Variants in FRYL observed in about 807,000 individuals in gnomAD.
FRYL encodes protein furry homolog-like.
Under a neutral mutation model 351.2 loss-of-function variants are expected in FRYL, and 150 were observed. The ratio of observed to expected loss-of-function variants is 0.43; its 90% CI spans 0.37 to 0.49. The LOEUF (loss-of-function observed/expected upper bound fraction) is 0.49, where lower values mean the gene tolerates loss of function less well. Ranked by LOEUF, FRYL falls within the 20% of genes least tolerant of loss-of-function variation. The probability of loss-of-function intolerance (pLI) is 0.00; values close to 1 mark genes in which losing one functional copy is unlikely to be tolerated. For missense variants in FRYL, 3,036 were observed against 3,619.3 expected (o/e 0.84, Z 4.13); for synonymous variants, 1,153 against 1,257.1 (o/e 0.92, Z 1.75).
At chr4:48,544,038 TA>T in intron 43 of FRYL, 41 bp from the exon 44 acceptor site, 1 of 1,544,446 alleles carries the variant, frequency 6.5e-7, no homozygotes, top group Non-Finnish European at 8.9e-7. Flanking sequence ...TCTTGTTCTT[TA>T]GAATACTAAT....
chr4:48,654,043 C>G (rs1758275581), intron 3 of FRYL: 1 of 570,350 alleles, frequency 1.8e-6, no homozygotes, highest in Non-Finnish European at 2.5e-6. Flanking sequence ...TATAAGTGCC[C>G]AGAAGGACAC....
Position 48,564,960 on chromosome 4 carries a change from A to T in FRYL, c.3414T>A (p.Asp1138Glu). The T allele has an allele frequency of 6.2e-7, 1 of 1,601,338 alleles. No homozygotes were observed. The stretch of plus-strand genomic sequence containing the variant: ...TTTTGTCCAGAGAATCCAAAATGTT[A>T]TCCAACCATTTGTACAAATAGCCAT... ...SSDGYLYKWL[D>E]NILDSLDKKV... Residue 1138 changes from aspartate (D) to glutamate (E), a missense_variant, in exon 30 of 64, where the codon GAT (aspartate) becomes GAA (glutamate). Around this residue, in one of 7 missense-constraint regions of FRYL, gnomAD observed 1,987 missense variants for 2,311.7 expected, o/e 0.86. Transcript: ENST00000358350.
intron 33 of FRYL, 47 bp from the exon 34 acceptor site, chr4:48,557,759 C>T: frequency 6.3e-7 from 1 of 1,598,954 alleles, no homozygotes; most frequent in Non-Finnish European, 8.6e-7. Flanking sequence ...TTTCAGCTTC[C>T]TCTGACCCGT....
At chr4:48,707,922 T>C (rs1323068562) in intron 2 of FRYL, among the ~76,000 whole-genome samples, 1 of 151,268 alleles carries the variant, frequency 6.6e-6, no homozygotes, top group African/African-American at 2.4e-5. Flanking sequence ...CTGGGTTCAA[T>C]TGATTCTCCT....
At chr4:48,587,205 G>C (rs976164115) in intron 18 of FRYL, among the ~76,000 whole-genome samples, 3 of 151,848 alleles carry the variant, frequency 2.0e-5, no homozygotes, top group African/African-American at 4.8e-5. Context: ...CTCATACATA[G>C]GTGTTTATAT....
At chr4:48,546,441 C>G in intron 41 of FRYL, 170 bp from the exon 42 acceptor site, 1 of 608,718 alleles carries the variant, frequency 1.6e-6, no homozygotes, top group East Asian at 2.8e-5. Flanking sequence ...CAAATTACAG[C>G]AAGTAAGTTT....
At chr4:48,747,102 G>A (rs1355698805) in intron 1 of FRYL, among the ~76,000 whole-genome samples, 1 of 152,158 alleles carries the variant, frequency 6.6e-6, no homozygotes, top group South Asian at 2.1e-4. Context: ...CTGGGAGATT[G>A]GGGAGAGAAG....
rs1756840402 is a variant in FRYL, at chr4:48,647,836, GGAT to G, written c.-80-13349_-80-13347del. ...CTCAAAGCAGACAAATTTATCTGAG[GGAT>G]GATAAGAGTATTCTGACAATAAGCA... On this transcript the variant is annotated intron_variant, in intron 3 of 63. Transcript: ENST00000358350. Among the ~76,000 whole-genome samples the G allele has an allele frequency of 2.0e-5, 3 of 152,088 alleles. No individual in the cohort carries two copies. In the South Asian group the frequency reaches 6.2e-4, roughly 32 times the overall value.
rs1735491494 is a variant in FRYL, at chr4:48,561,479, G to A, written c.3854C>T (p.Ala1285Val). 3.1e-6 allele frequency: 5 copies of A among 1,592,320 alleles called. No individual in the cohort carries two copies. The highest frequency in any genetic ancestry group is 4.3e-6 in the Non-Finnish European group (5 of 1,167,654). The change falls in exon 33 of 64, where the codon GCC (alanine) becomes GTC (valine). Residue 1285 changes from alanine (A) to valine (V), a missense_variant. Coordinates refer to ENST00000358350, the MANE Select transcript of FRYL (RefSeq NM_015030.2). ...LARAYPELTLAIFSEISQRIQ... is the reference protein window; with the variant it reads ...LARAYPELTLVIFSEISQRIQ... ...TTCATTGATCATACCTGAGAATATG[G>A]CGAGAGTTAGCTCAGGATACGCCCT... is the stretch of plus-strand genomic sequence containing the variant.
intron 25 of FRYL, among the ~76,000 whole-genome samples, chr4:48,573,519 A>G (rs1738843914): frequency 6.6e-6 from 1 of 152,200 alleles, no homozygotes; most frequent in Non-Finnish European, 1.5e-5. Context: ...CATACGTTTT[A>G]CTTAGTTGAA....
intron 1 of FRYL, among the ~76,000 whole-genome samples, chr4:48,742,827 T>C (rs951304720): frequency 6.6e-6 from 1 of 151,950 alleles, no homozygotes; most frequent in Non-Finnish European, 1.5e-5. Flanking sequence ...GTTTTTTTGT[T>C]TTTTGTTTTT....
At chr4:48,655,128 T>C (rs1758556639) in intron 3 of FRYL, among the ~76,000 whole-genome samples, 1 of 152,146 alleles carries the variant, frequency 6.6e-6, no homozygotes, top group Admixed American at 6.6e-5. Context: ...TCATACATTA[T>C]GGGAAATTCA....
chr4:48,522,770 T>G, intron 54 of FRYL, 131 bp downstream of exon 54: 1 of 755,906 alleles, frequency 1.3e-6, no homozygotes, highest in Non-Finnish European at 2.4e-6. Flanking sequence ...CGGTACTCCA[T>G]TAGTGTTGCA....
In FRYL at chr4:48,606,600, C is replaced by G. The variant is rs1193905117; in HGVS notation, c.579G>C (p.Gln193His). The G allele has an allele frequency of 6.2e-7, 1 of 1,608,236 alleles. No individual in the cohort carries two copies. Among genetic ancestry groups the G allele is most frequent in the Admixed American group, 1.7e-5 (1 of 59,778 alleles). The change falls in exon 10 of 64, where the codon CAG becomes CAC. Residue 193 changes from glutamine to histidine, a missense_variant. This residue lies in a region of FRYL where 457 missense variants were observed against 566.6 expected (regional missense o/e 0.81). Transcript: ENST00000358350. ...CTGTCACAAACTTCTTCCTTACAGCCTGAAACCTTTAATATACGTGGAGAC... is the reference window on the plus strand; with the variant it reads ...CTGTCACAAACTTCTTCCTTACAGCGTGAAACCTTTAATATACGTGGAGAC... Reference protein sequence around the residue: ...VIGVLAQSKFQAVRKKFVTEL... With the variant: ...VIGVLAQSKFHAVRKKFVTEL...
intron 3 of FRYL, among the ~76,000 whole-genome samples, chr4:48,643,345 C>T (rs192443879): frequency 2.5e-3 from 376 of 152,298 alleles, no homozygotes; most frequent in Non-Finnish European, 4.1e-3. Context: ...ACTATCTTAA[C>T]AGGCTGTTAA....
chr4:48,755,784 A>T (rs895757792), intron 1 of FRYL, among the ~76,000 whole-genome samples: 8 of 151,974 alleles, frequency 5.3e-5, no homozygotes, highest in African/African-American at 1.9e-4. Flanking sequence ...ACATTAAAAT[A>T]AAAAAAACAG....
intron 57 of FRYL, 97 bp downstream of exon 57, chr4:48,512,384 T>C: frequency 5.1e-6 from 5 of 977,332 alleles, no homozygotes; most frequent in East Asian, 2.5e-5. Context: ...TTAAAACTGG[T>C]AGGAATATTA....
intron 49 of FRYL, among the ~76,000 whole-genome samples, chr4:48,533,425 T>A (rs1728137969): frequency 6.6e-6 from 1 of 152,162 alleles, no homozygotes; most frequent in Admixed American, 6.5e-5. Flanking sequence ...TCACTGATTT[T>A]CAAGGGAATG....
At chr4:48,725,524 A>G (rs1367671904) in intron 1 of FRYL, among the ~76,000 whole-genome samples, 3 of 152,228 alleles carry the variant, frequency 2.0e-5, no homozygotes, top group Admixed American at 6.5e-5. Context: ...TAAACAATTC[A>G]TAAGTTTTAA....
Sources: allele counts gnomAD v4.1 joint callset (sites outside exome capture counted in the v4.1 genomes callset), GRCh38; gene constraint gnomAD v4.1.1; regional missense constraint gnomAD v4.1.1; transcripts MANE v1.5; gene names NCBI Gene and HGNC (gene_info 2026-07-23, HGNC 2026-07-21).